The following STARD13 variants were observed in gnomAD, a reference collection of about 807,000 sequenced individuals.
STARD13 encodes the protein StAR related lipid transfer domain containing 13, also known as stAR-related lipid transfer protein 13.
In STARD13, 62 loss-of-function variants were observed where a neutral mutation model predicts 106.4. The ratio of observed to expected loss-of-function variants is 0.58; its 90% CI spans 0.48 to 0.72. The LOEUF (loss-of-function observed/expected upper bound fraction) is 0.72. Among genes scored for constraint, STARD13 ranks in the 30% least tolerant of loss-of-function variants. The probability of loss-of-function intolerance (pLI) is 0.00; values close to 1 mark genes in which losing one functional copy is unlikely to be tolerated. For synonymous variants in STARD13, 565 were observed against 553.0 expected (o/e 1.02, Z -0.31); for missense variants, 1,387 against 1,424.0 (o/e 0.97, Z 0.42).
chr13:33,183,506 C>A (rs1885444959), intron 1 of STARD13, among the ~76,000 whole-genome samples: 1 of 152,222 alleles, frequency 6.6e-6, no homozygotes, highest in Non-Finnish European at 1.5e-5. Flanking sequence ...AGGGCACATG[C>A]CAGGCTTTCA....
intron 1 of STARD13, among the ~76,000 whole-genome samples, chr13:33,199,615 T>C (rs1886872742): frequency 6.6e-6 from 1 of 152,234 alleles, no homozygotes; most frequent in Admixed American, 6.5e-5. Flanking sequence ...GTCACTTATT[T>C]TGGAGTTTGA....
the STARD13 span, among the ~76,000 whole-genome samples, chr13:33,412,512 T>C: frequency 6.6e-6 from 1 of 152,278 alleles, no homozygotes; most frequent in Middle Eastern, 3.4e-3. Context: ...CTAAATATAC[T>C]AATTAAAGAC....
the STARD13 span, among the ~76,000 whole-genome samples, chr13:33,424,582 C>T: frequency 1.3e-5 from 2 of 152,040 alleles, no homozygotes; most frequent in African/African-American, 4.8e-5. Context: ...TAAGCAACAC[C>T]CGTGAAAAGA....
rs1886188262 is a variant in STARD13, at chr13:33,190,623, A to G, written c.170-23001T>C. Reference sequence around the variant, plus strand: ...TTTTTTTGAGACCAAGTCTCACTCTATTGCCTAGGCTGGAGTGCAATGGCA... The same window carrying G: ...TTTTTTTGAGACCAAGTCTCACTCTGTTGCCTAGGCTGGAGTGCAATGGCA... On this transcript the variant is annotated intron_variant, in intron 1 of 13. Transcript: ENST00000336934. 2.2e-5 allele frequency among the ~76,000 whole-genome samples: 3 copies of G among 137,770 alleles called. No individual in the cohort carries two copies. In the South Asian group the frequency reaches 6.6e-4, roughly 31 times the overall value. The allele number at this position is 137,770 out of a possible 152,430, so 90.4% of individuals were successfully genotyped here.
At chr13:33,137,592 T>C (rs1879222960) in intron 4 of STARD13, among the ~76,000 whole-genome samples, 1 of 152,154 alleles carries the variant, frequency 6.6e-6, no homozygotes, top group African/African-American at 2.4e-5. Flanking sequence ...TTCTAGTCTG[T>C]AGAATAAAAT....
chr13:33,185,459 T>TTAGA (rs1400771891), intron 1 of STARD13, among the ~76,000 whole-genome samples: 5 of 152,222 alleles, frequency 3.3e-5, no homozygotes, highest in Admixed American at 2.6e-4. Context: ...TCTCCTTCGC[T>TTAGA]TAGAATTCTC....
At chr13:33,137,252 A>G (rs1170317216) in intron 4 of STARD13, among the ~76,000 whole-genome samples, 1 of 152,232 alleles carries the variant, frequency 6.6e-6, no homozygotes, top group Admixed American at 6.5e-5. Flanking sequence ...CAGTTGAGAA[A>G]CTGTTCTAGA....
chr13:33,176,821 G>A (rs886704811), intron 1 of STARD13, among the ~76,000 whole-genome samples: 7 of 152,008 alleles, frequency 4.6e-5, no homozygotes, highest in Admixed American at 4.6e-4. Context: ...CCATAAACAT[G>A]CCACAAATGT....
At chr13:33,207,352 C>A (rs117538703) in intron 1 of STARD13, among the ~76,000 whole-genome samples, 49 of 152,288 alleles carry the variant, frequency 3.2e-4, no homozygotes, top group Admixed American at 1.0e-3. Context: ...AGTCAGTGAG[C>A]TCCTTAAAGG....
intron 12 of STARD13, among the ~76,000 whole-genome samples, chr13:33,107,702 G>A (rs1327731082): frequency 6.6e-6 from 1 of 152,042 alleles, no homozygotes; most frequent in East Asian, 1.9e-4. Context: ...GAAATGAAAT[G>A]TGCTGCCCTG....
intron 4 of STARD13, among the ~76,000 whole-genome samples, chr13:33,132,187 T>C (rs112254452): frequency 2.6e-5 from 4 of 152,344 alleles, no homozygotes; most frequent in African/African-American, 9.6e-5. Flanking sequence ...AAGAATTCTA[T>C]GGCTTAGAAG....
chr13:33,349,810 G>A (rs1311206063), intron 1 of STARD13, among the ~76,000 whole-genome samples: 3 of 152,264 alleles, frequency 2.0e-5, no homozygotes, highest in South Asian at 4.1e-4. Context: ...GCTGGTCTGC[G>A]GCGCTTCGGA....
At chr13:33,555,010 C>G in the STARD13 span, among the ~76,000 whole-genome samples, 1 of 152,126 alleles carries the variant, frequency 6.6e-6, no homozygotes, top group Non-Finnish European at 1.5e-5. Context: ...CATTTAACAA[C>G]AAACACTCCC....
the STARD13 span, among the ~76,000 whole-genome samples, chr13:33,470,428 G>A: frequency 1.3e-5 from 2 of 152,116 alleles, no homozygotes; most frequent in Non-Finnish European, 2.9e-5. Context: ...TAATCCTTTG[G>A]ATATATACCC....
At chr13:33,171,042 G>A (rs1000535642) in intron 1 of STARD13, among the ~76,000 whole-genome samples, 1 of 152,168 alleles carries the variant, frequency 6.6e-6, no homozygotes, top group African/African-American at 2.4e-5. Context: ...ATTATTGCCA[G>A]TGCCATCATT....
chr13:33,473,858 G>T, the STARD13 span, among the ~76,000 whole-genome samples: 2 of 152,140 alleles, frequency 1.3e-5, no homozygotes, highest in African/African-American at 4.8e-5. Flanking sequence ...CAGACAGCAG[G>T]ATCTGCTCCT....
chr13:33,107,869 ATTAG>A (rs1396123142), intron 12 of STARD13, among the ~76,000 whole-genome samples: 12 of 152,152 alleles, frequency 7.9e-5, no homozygotes, highest in African/African-American at 2.9e-4. Context: ...AGATTGCATT[ATTAG>A]AATTCCCATG....
chr13:33,408,325 C>T, the STARD13 span, among the ~76,000 whole-genome samples: 1 of 152,124 alleles, frequency 6.6e-6, no homozygotes, highest in Non-Finnish European at 1.5e-5. Flanking sequence ...CTCTCCCCTC[C>T]AGCCCCTGGC....
At chr13:33,598,958 T>TA in the STARD13 span, among the ~76,000 whole-genome samples, 14 of 152,324 alleles carry the variant, frequency 9.2e-5, no homozygotes, top group African/African-American at 3.1e-4. Flanking sequence ...TTCATTCCTT[T>TA]AAAAGAAATA....
Sources: allele counts gnomAD v4.1 joint callset (sites outside exome capture counted in the v4.1 genomes callset), GRCh38; gene constraint gnomAD v4.1.1; transcripts MANE v1.5; gene names NCBI Gene and HGNC (gene_info 2026-07-23, HGNC 2026-07-21).